DLGAP2: variants seen among roughly 807,000 people sequenced by gnomAD.
DLGAP2 encodes the protein disks large-associated protein 2.
A neutral mutation model predicts 100.3 loss-of-function variants in DLGAP2; 26 were observed. The observed-to-expected ratio is 0.26, with a 90% CI of 0.19 to 0.36. The LOEUF (loss-of-function observed/expected upper bound fraction) is 0.36. DLGAP2 is among the 10% of genes least tolerant of loss of function. DLGAP2 has a pLI of 1.00. For missense variants in DLGAP2, 1,858 were observed against 1,453.2 expected, an observed-to-expected ratio of 1.28 and a Z score of -4.53; for synonymous variants, 886 against 630.1, an observed-to-expected ratio of 1.41 and a Z score of -6.08.
chr8:1,687,135 G>C (rs73549740), intron 12 of DLGAP2, among the ~76,000 whole-genome samples: 12,693 of 152,186 alleles, frequency 0.083, 1,579 homozygotes, highest in African/African-American at 0.27. Context: ...GGGAATCTCA[G>C]GGGATCACAG....
intron 8 of DLGAP2, among the ~76,000 whole-genome samples, chr8:1,634,541 A>G (rs374177337): frequency 1.3e-5 from 2 of 152,226 alleles, no homozygotes; most frequent in Admixed American, 6.5e-5. Flanking sequence ...GTCCTGGGCC[A>G]GTTCTCATGC....
At chr8:1,658,126 C>G (rs567643714) in intron 8 of DLGAP2, among the ~76,000 whole-genome samples, 7 of 152,184 alleles carry the variant, frequency 4.6e-5, no homozygotes, top group East Asian at 1.9e-4. Context: ...GACTGGCCCT[C>G]CCACCCTCGT....
At chr8:862,299 G>GTT (rs1199269737) in intron 1 of DLGAP2, among the ~76,000 whole-genome samples, 51 of 138,074 alleles carry the variant, frequency 3.7e-4, no homozygotes, top group Admixed American at 5.8e-4. Context: ...TTGGACTCCA[G>GTT]TTTTTTTTTT....
At chr8:757,590 C>G (rs759645567) in intron 1 of DLGAP2, among the ~76,000 whole-genome samples, 3 of 152,194 alleles carry the variant, frequency 2.0e-5, no homozygotes, top group Non-Finnish European at 4.4e-5. Flanking sequence ...ACGTGCTGCT[C>G]ACAGCAGTTG....
At chr8:1,665,713 C>T (rs1176510510) in intron 8 of DLGAP2, among the ~76,000 whole-genome samples, 1 of 152,260 alleles carries the variant, frequency 6.6e-6, no homozygotes, top group Non-Finnish European at 1.5e-5. Context: ...CCCCCGTCCG[C>T]AGTCTCGCTC....
chr8:1,294,016 G>C (rs1800115918), intron 3 of DLGAP2, among the ~76,000 whole-genome samples: 1 of 152,198 alleles, frequency 6.6e-6, no homozygotes, highest in Non-Finnish European at 1.5e-5. Context: ...CACACGTGAA[G>C]GTGGCTCGCT....
chr8:1,330,222 C>T (rs975653585), intron 3 of DLGAP2, among the ~76,000 whole-genome samples: 1 of 150,146 alleles, frequency 6.7e-6, no homozygotes, highest in African/African-American at 2.5e-5. Flanking sequence ...CACTACTTCA[C>T]AGGGACTGAG....
intron 6 of DLGAP2, among the ~76,000 whole-genome samples, chr8:1,573,838 C>T (rs1249922154): frequency 6.6e-6 from 1 of 152,146 alleles, no homozygotes; most frequent in Non-Finnish European, 1.5e-5. Flanking sequence ...CCGGCAGACC[C>T]TAGAATACTT....
intron 3 of DLGAP2, among the ~76,000 whole-genome samples, chr8:1,339,556 G>A (rs1019385937): frequency 6.6e-6 from 1 of 152,234 alleles, no homozygotes; most frequent in African/African-American, 2.4e-5. Flanking sequence ...CACGTAAGTA[G>A]TCTTCAGTAT....
intron 4 of DLGAP2, among the ~76,000 whole-genome samples, chr8:1,548,043 C>T (rs1277155350): frequency 6.6e-6 from 1 of 152,208 alleles, no homozygotes; most frequent in Non-Finnish European, 1.5e-5. Flanking sequence ...TTGTTAATTT[C>T]CTTTAATACC....
intron 1 of DLGAP2, among the ~76,000 whole-genome samples, chr8:771,580 G>C (rs1359200464): frequency 6.6e-6 from 1 of 152,214 alleles, no homozygotes; most frequent in Admixed American, 6.5e-5. Flanking sequence ...CAAATTAAAA[G>C]GCTGTCTGTA....
At chr8:1,496,304 G>C (rs148209575) in intron 3 of DLGAP2, among the ~76,000 whole-genome samples, 1 of 152,028 alleles carries the variant, frequency 6.6e-6, no homozygotes, top group Non-Finnish European at 1.5e-5. Context: ...ACAGGGCCTC[G>C]TGGGGGCGCC....
chr8:1,344,952 A>G (rs1255552820), intron 3 of DLGAP2, among the ~76,000 whole-genome samples: 2 of 152,224 alleles, frequency 1.3e-5, no homozygotes, highest in African/African-American at 4.8e-5. Flanking sequence ...CAACATCACC[A>G]GGCACTACCA....
chr8:1,563,821 C>A (rs904292617), intron 5 of DLGAP2, among the ~76,000 whole-genome samples: 2 of 152,116 alleles, frequency 1.3e-5, no homozygotes, highest in Non-Finnish European at 2.9e-5. Context: ...CCACGCAGAT[C>A]CCTGCTGGTA....
At chr8:1,118,444 A>C (rs141073106) in intron 2 of DLGAP2, among the ~76,000 whole-genome samples, 3,453 of 152,324 alleles carry the variant, frequency 0.023, 60 homozygotes, top group Middle Eastern at 0.065. Flanking sequence ...AGAAAAGCCT[A>C]ATTTATTTTC....
At chr8:842,275 A>C (rs1404378207) in intron 1 of DLGAP2, among the ~76,000 whole-genome samples, 2 of 152,204 alleles carry the variant, frequency 1.3e-5, no homozygotes, top group African/African-American at 4.8e-5. Flanking sequence ...GAGCGATTGT[A>C]CGTTGCTGTC....
At chr8:1,050,043 C>T (rs529050371) in intron 2 of DLGAP2, among the ~76,000 whole-genome samples, 2 of 152,126 alleles carry the variant, frequency 1.3e-5, no homozygotes, top group East Asian at 3.9e-4. Flanking sequence ...TACACACATG[C>T]TGTCACACAC....
intron 2 of DLGAP2, among the ~76,000 whole-genome samples, chr8:1,190,109 C>T (rs1003584875): frequency 1.3e-5 from 2 of 152,152 alleles, no homozygotes; most frequent in Non-Finnish European, 2.9e-5. Flanking sequence ...ACTCTTACTG[C>T]TAATAATAAA....
intron 3 of DLGAP2, among the ~76,000 whole-genome samples, chr8:1,499,150 T>G (rs1472260299): frequency 6.6e-6 from 1 of 152,248 alleles, no homozygotes; most frequent in Non-Finnish European, 1.5e-5. Context: ...TAATTAGGTG[T>G]GTTCCTCCAG....
Sources: gnomAD v4.1 joint callset for allele counts (sites outside exome capture counted in the v4.1 genomes callset) on GRCh38, gnomAD v4.1.1 for gene constraint, MANE v1.5 for transcripts, NCBI Gene and HGNC (gene_info 2026-07-23, HGNC 2026-07-21) for gene names.